Variants in HOMER1 observed in about 807,000 individuals in gnomAD.
HOMER1 encodes homer scaffold protein 1.
In HOMER1, 3 loss-of-function variants were observed where a neutral mutation model predicts 48.9. That is an observed-to-expected ratio of 0.06 (90% CI 0.03 to 0.16). The LOEUF is 0.16. HOMER1 is among the 10% of genes least tolerant of loss of function. The pLI is 1.00. For synonymous variants in HOMER1, 134 were observed against 146.4 expected, an observed-to-expected ratio of 0.92 and a Z score of 0.61; for missense variants, 247 against 411.4, an observed-to-expected ratio of 0.60 and a Z score of 3.46.
intron 5 of HOMER1, among the ~76,000 whole-genome samples, chr5:79,402,460 T>A (rs1245572828): frequency 1.3e-5 from 2 of 152,226 alleles, no homozygotes; most frequent in Non-Finnish European, 2.9e-5. Context: ...TGAGCCACTG[T>A]GACCAGCCCT....
At chr5:79,507,245 A>C (rs868626403) in intron 1 of HOMER1, among the ~76,000 whole-genome samples, 185 of 151,530 alleles carry the variant, frequency 1.2e-3, no homozygotes, top group African/African-American at 4.0e-3. Context: ...ACCAAAACAA[A>C]AAAAAAACAG....
intron 5 of HOMER1, among the ~76,000 whole-genome samples, chr5:79,430,935 T>A (rs868114383): frequency 1.2e-4 from 17 of 144,906 alleles, no homozygotes; most frequent in Non-Finnish European, 2.0e-4. Flanking sequence ...AAAATAAAAA[T>A]AAAAAAAAAA....
intron 2 of HOMER1, among the ~76,000 whole-genome samples, chr5:79,452,411 A>G (rs1264586610): frequency 6.6e-6 from 1 of 152,236 alleles, no homozygotes; most frequent in Admixed American, 6.5e-5. Flanking sequence ...GTGAGGAATC[A>G]TTTCTTTAGT....
chr5:79,453,456 C>T (rs1751083325), intron 2 of HOMER1, among the ~76,000 whole-genome samples: 1 of 152,136 alleles, frequency 6.6e-6, no homozygotes, highest in Non-Finnish European at 1.5e-5. Flanking sequence ...GAACCTTTCC[C>T]TTGTCTCTGT....
chr5:79,479,051 G>C (rs1303562121), intron 1 of HOMER1, among the ~76,000 whole-genome samples: 2 of 152,122 alleles, frequency 1.3e-5, no homozygotes, highest in African/African-American at 4.8e-5. Context: ...TTTTAAGGTA[G>C]GTTTTTCTTC....
chr5:79,427,476 C>T (rs1018228814), intron 5 of HOMER1, among the ~76,000 whole-genome samples: 4 of 152,126 alleles, frequency 2.6e-5, no homozygotes, highest in Non-Finnish European at 4.4e-5. Context: ...ACAATTTTCG[C>T]CTCCCAGGTT....
intron 4 of HOMER1, among the ~76,000 whole-genome samples, chr5:79,439,490 A>G (rs1750684932): frequency 6.6e-6 from 1 of 152,198 alleles, no homozygotes; most frequent in African/African-American, 2.4e-5. Context: ...TATTCAAAGA[A>G]TTACTATACT....
chr5:79,405,035 G>C (rs974209197), intron 5 of HOMER1, among the ~76,000 whole-genome samples: 9 of 152,062 alleles, frequency 5.9e-5, no homozygotes, highest in Middle Eastern at 3.2e-3. Flanking sequence ...TTCTGTGCGT[G>C]AGGCTGAACT....
At position 79,467,274 on chromosome 5, in the gene HOMER1, C is replaced by G. The variant is rs201283917; in HGVS notation, c.6-10256G>C. ...GGCGTGCTGGCAGGGGCCTGTAATC[C>G]CAGCTACTCAGGAGGCTGAGGCAGG... is the stretch of plus-strand genomic sequence containing the variant. On this transcript the variant is annotated intron_variant, in intron 1 of 8. Coordinates refer to ENST00000334082, the MANE Select transcript of HOMER1 (RefSeq NM_004272.5). Among the ~76,000 whole-genome samples, 22 of 151,228 alleles carry G rather than the reference C, an allele frequency of 1.5e-4. 1 individual carries two copies. In the East Asian group the frequency reaches 4.2e-3, roughly 29 times the overall value.
At chr5:79,499,699 C>T (rs1042882418) in intron 1 of HOMER1, among the ~76,000 whole-genome samples, 4 of 152,152 alleles carry the variant, frequency 2.6e-5, no homozygotes, top group Non-Finnish European at 5.9e-5. Flanking sequence ...ACAGACCATA[C>T]ATGGCACATC....
chr5:79,389,152 T>C (rs1033999663), intron 8 of HOMER1, among the ~76,000 whole-genome samples: 4 of 151,888 alleles, frequency 2.6e-5, no homozygotes, highest in African/African-American at 9.7e-5. Flanking sequence ...AAAAGAAATA[T>C]ACAAAACAAG....
At chr5:79,412,634 G>A (rs1749840181) in intron 5 of HOMER1, among the ~76,000 whole-genome samples, 1 of 152,206 alleles carries the variant, frequency 6.6e-6, no homozygotes, top group Non-Finnish European at 1.5e-5. Context: ...TGCAACTGTT[G>A]AACCTAACTA....
intron 8 of HOMER1, among the ~76,000 whole-genome samples, chr5:79,390,156 C>T: frequency 6.6e-6 from 1 of 152,004 alleles, no homozygotes. Context: ...CTTGGTGGCA[C>T]ACACATGTAG....
At chr5:79,395,875 G>C (rs1484919795) in intron 8 of HOMER1, among the ~76,000 whole-genome samples, 1 of 152,136 alleles carries the variant, frequency 6.6e-6, no homozygotes, top group African/African-American at 2.4e-5. Flanking sequence ...CCCAGTGTCC[G>C]ATATGTTGCA....
intron 1 of HOMER1, among the ~76,000 whole-genome samples, chr5:79,485,620 C>T (rs551277091): frequency 1.9e-4 from 29 of 152,296 alleles, no homozygotes; most frequent in African/African-American, 7.0e-4. Context: ...CAGGTCATAA[C>T]ACCCATGGAC....
chr5:79,402,766 T>A (rs1451990009), intron 5 of HOMER1, among the ~76,000 whole-genome samples: 2 of 152,226 alleles, frequency 1.3e-5, no homozygotes, highest in African/African-American at 2.4e-5. Flanking sequence ...TATTCCTTAA[T>A]GAAAACATAT....
chr5:79,379,850 T>TAG (rs1474009216), intron 8 of HOMER1, among the ~76,000 whole-genome samples: 2 of 152,072 alleles, frequency 1.3e-5, no homozygotes, highest in Admixed American at 6.6e-5. Flanking sequence ...CAGGGGCAAC[T>TAG]AGAGAGAGGC....
intron 8 of HOMER1, among the ~76,000 whole-genome samples, chr5:79,388,335 T>G (rs892595597): frequency 1.3e-5 from 2 of 152,164 alleles, no homozygotes; most frequent in Non-Finnish European, 2.9e-5. Flanking sequence ...TTCTTCTGAT[T>G]GTCTCTGCAA....
intron 1 of HOMER1, among the ~76,000 whole-genome samples, chr5:79,472,856 T>C (rs960677018): frequency 6.6e-6 from 1 of 152,170 alleles, no homozygotes; most frequent in African/African-American, 2.4e-5. Context: ...GATTTGCGGA[T>C]ACTGTTGTCC....
Sources: gnomAD v4.1 joint callset for allele counts (sites outside exome capture counted in the v4.1 genomes callset) on GRCh38, gnomAD v4.1.1 for gene constraint, MANE v1.5 for transcripts, NCBI Gene and HGNC (gene_info 2026-07-23, HGNC 2026-07-21) for gene names.